WDFY3: variants seen among roughly 807,000 people sequenced by gnomAD.
WDFY3 encodes WD repeat and FYVE domain-containing protein 3.
WDFY3 carries 66 observed loss-of-function variants against 409.6 expected under a neutral mutation model. The observed-to-expected ratio is 0.16, with a 90% CI of 0.13 to 0.20. The LOEUF (loss-of-function observed/expected upper bound fraction) is 0.20. WDFY3 is among the 10% of genes least tolerant of loss of function. The pLI, the probability that WDFY3 is intolerant of heterozygous loss-of-function variation, is 1.00. For synonymous variants in WDFY3, 1,521 were observed against 1,537.1 expected (o/e 0.99, Z 0.25); for missense variants, 3,031 against 4,298.1 (o/e 0.71, Z 8.24).
intron 2 of WDFY3, among the ~76,000 whole-genome samples, chr4:84,902,104 TC>T (rs1766420437): frequency 6.6e-6 from 1 of 152,150 alleles, no homozygotes; most frequent in Non-Finnish European, 1.5e-5. Flanking sequence ...CTTTCCCACC[TC>T]CAAGTTCTTA....
chr4:84,719,461 T>C (rs1292268518), intron 47 of WDFY3, among the ~76,000 whole-genome samples: 1 of 152,150 alleles, frequency 6.6e-6, no homozygotes, highest in African/African-American at 2.4e-5. Flanking sequence ...CAAACACATG[T>C]CAGTTTGAAT....
At chr4:84,813,457 A>G (rs1752814941) in intron 13 of WDFY3, among the ~76,000 whole-genome samples, 1 of 152,212 alleles carries the variant, frequency 6.6e-6, no homozygotes, top group Non-Finnish European at 1.5e-5. Context: ...TCTGAATTTT[A>G]CTATTATCTA....
At chr4:84,712,076 C>A (rs982060358) in intron 51 of WDFY3, among the ~76,000 whole-genome samples, 2 of 151,936 alleles carry the variant, frequency 1.3e-5, no homozygotes, top group Non-Finnish European at 2.9e-5. Flanking sequence ...GCAATCCCAG[C>A]GCTTTGAGGG....
chr4:84,760,288 G>A (rs1361870345), intron 32 of WDFY3, among the ~76,000 whole-genome samples: 10 of 152,096 alleles, frequency 6.6e-5, no homozygotes, highest in East Asian at 1.9e-4. Context: ...GTCTCTGCCC[G>A]GCTTTGGTAT....
intron 8 of WDFY3, among the ~76,000 whole-genome samples, chr4:84,829,734 G>A (rs1209840604): frequency 6.6e-6 from 1 of 151,594 alleles, no homozygotes; most frequent in Non-Finnish European, 1.5e-5. Flanking sequence ...TTGAACCCGG[G>A]AGGCAGAGAT....
At chr4:84,898,302 A>G (rs1432512316) in intron 2 of WDFY3, among the ~76,000 whole-genome samples, 2 of 152,210 alleles carry the variant, frequency 1.3e-5, no homozygotes, top group Admixed American at 6.5e-5. Context: ...TTGTAAACAT[A>G]CATATATTCT....
Position 84,817,451 on chromosome 4 carries a change from G to A in WDFY3, c.1828C>T (p.Leu610=), listed in dbSNP as rs1370162727. ...PNGDDDMGTL[L]GLMHSAPPTE... ...GGTGGGGCTGAATGCATTAGCCCCA[G>A]GAGAGTGCCCATGTCATCGTCCCCA... The change falls in exon 13 of 68, where the codon CTG becomes TTG. Residue 610 remains leucine (L), a synonymous_variant. Transcript: ENST00000295888. The A allele has an allele frequency of 3.5e-5, 56 of 1,613,698 alleles. No individual in the cohort carries two copies. Among genetic ancestry groups the A allele is most frequent in the Middle Eastern group, 1.6e-4 (1 of 6,078 alleles).
At chr4:84,718,310 G>T in intron 48 of WDFY3, 112 bp downstream of exon 48, 3 of 1,115,436 alleles carry the variant, frequency 2.7e-6, no homozygotes, top group Non-Finnish European at 2.5e-6. Flanking sequence ...CACACAAACC[G>T]AGAGATAACA....
At chr4:84,868,171 CAAAAAAAAAAAAAAAA>C (rs70943375) in intron 3 of WDFY3, among the ~76,000 whole-genome samples, 46 of 38,456 alleles carry the variant, frequency 1.2e-3, no homozygotes, top group Admixed American at 2.3e-3. Context: ...GACTCTGTCT[CAAAAAAAAAAAAAAAA>C]AAAAAAAAAA....
chr4:84,687,937 C>A, intron 62 of WDFY3, 149 bp downstream of exon 62: 2 of 814,062 alleles, frequency 2.5e-6, no homozygotes, highest in Non-Finnish European at 2.0e-6. Context: ...GTGCCTACAG[C>A]CCAGAAGTCC....
intron 2 of WDFY3, among the ~76,000 whole-genome samples, chr4:84,914,044 G>C (rs555999225): frequency 6.6e-6 from 1 of 152,132 alleles, no homozygotes; most frequent in Non-Finnish European, 1.5e-5. Flanking sequence ...CTTTTCTCCA[G>C]CTTGCTTTAA....
chr4:84,881,290 T>C (rs1335972377), intron 3 of WDFY3, among the ~76,000 whole-genome samples: 3 of 152,044 alleles, frequency 2.0e-5, no homozygotes, highest in Admixed American at 6.6e-5. Flanking sequence ...AAATAACGTA[T>C]CTCCCTGTGA....
At position 84,963,065 on chromosome 4, in the gene WDFY3, G is replaced by A. The variant is rs956845263; in HGVS notation, c.-226+3144C>T. On this transcript the variant is annotated intron_variant, in intron 1 of 67. Coordinates refer to ENST00000295888, the MANE Select transcript of WDFY3 (RefSeq NM_014991.6). ...TATCAGTGTAAATATCAGGAAGGCAGATTTTGACTCGACATAAATAGAAAT... is the reference window on the plus strand; with the variant it reads ...TATCAGTGTAAATATCAGGAAGGCAAATTTTGACTCGACATAAATAGAAAT... Among the ~76,000 whole-genome samples the A allele has an allele frequency of 1.0e-4, 15 of 149,752 alleles. No homozygotes were observed. In the South Asian group the frequency reaches 1.1e-3, roughly 11 times the overall value.
intron 42 of WDFY3, among the ~76,000 whole-genome samples, 193 bp from the exon 43 acceptor site, chr4:84,735,313 C>G (rs988408383): frequency 2.6e-5 from 4 of 152,196 alleles, no homozygotes; most frequent in Admixed American, 2.0e-4. Flanking sequence ...TCTCCCACCC[C>G]CAAAGCCCCT....
chr4:84,880,682 T>C (rs1177157485), intron 3 of WDFY3, among the ~76,000 whole-genome samples: 14 of 20,618 alleles, frequency 6.8e-4, no homozygotes, highest in East Asian at 1.4e-3. Context: ...TACATATATA[T>C]ATATATATAT....
chr4:84,896,347 T>A (rs1765636966), intron 3 of WDFY3, among the ~76,000 whole-genome samples: 1 of 151,990 alleles, frequency 6.6e-6, no homozygotes, highest in Admixed American at 6.6e-5. Flanking sequence ...AAATCAGATG[T>A]ATGCCCCTAA....
chr4:84,858,796 G>C (rs1560940482), intron 4 of WDFY3, among the ~76,000 whole-genome samples: 1 of 151,608 alleles, frequency 6.6e-6, no homozygotes, highest in Non-Finnish European at 1.5e-5. Flanking sequence ...GAGGGGGTGG[G>C]TGTGGAGAAA....
At chr4:84,773,659 GATAATT>G (rs1420185037) in intron 29 of WDFY3, among the ~76,000 whole-genome samples, 4 of 152,186 alleles carry the variant, frequency 2.6e-5, no homozygotes, top group Admixed American at 2.6e-4. Flanking sequence ...TTGACATAAT[GATAATT>G]ATAATTAATT....
intron 2 of WDFY3, among the ~76,000 whole-genome samples, chr4:84,924,398 T>C (rs1183317732): frequency 2.6e-5 from 4 of 152,226 alleles, no homozygotes; most frequent in Non-Finnish European, 5.9e-5. Context: ...ATTTCACATT[T>C]AGTTGACCAT....
Sources: gnomAD v4.1 joint callset for allele counts (sites outside exome capture counted in the v4.1 genomes callset) on GRCh38, gnomAD v4.1.1 for gene constraint, MANE v1.5 for transcripts, NCBI Gene and HGNC (gene_info 2026-07-23, HGNC 2026-07-21) for gene names.